The following TTC7A variants were observed in gnomAD, a reference collection of about 807,000 sequenced individuals.
TTC7A encodes the protein tetratricopeptide repeat protein 7A.
Under a neutral mutation model 103.7 loss-of-function variants are expected in TTC7A, and 110 were observed. That is an observed-to-expected ratio of 1.06 (90% CI 0.91 to 1.24). TTC7A has a LOEUF of 1.24. Ranked by LOEUF, TTC7A falls within the 50% of genes most tolerant of loss-of-function variation. TTC7A has a pLI of 0.00. For missense variants in TTC7A, 1,340 were observed against 1,116.3 expected (o/e 1.20, Z -2.86); for synonymous variants, 521 against 467.9 (o/e 1.11, Z -1.47).
At chr2:46,935,142 C>T (rs970816184) in intron 2 of TTC7A, among the ~76,000 whole-genome samples, 1 of 152,048 alleles carries the variant, frequency 6.6e-6, no homozygotes, top group East Asian at 1.9e-4. Context: ...TAGACCAACA[C>T]CCCTGAGAAG....
At chr2:46,944,374 GTTT>G (rs34191565) in intron 1 of TTC7A, among the ~76,000 whole-genome samples, 4 of 88,944 alleles carry the variant, frequency 4.5e-5, no homozygotes, top group Non-Finnish European at 8.0e-5. Context: ...GGTATTTTGG[GTTT>G]TTTTTTTTTT....
At chr2:46,987,807 C>CGTGT (rs1234466462) in intron 5 of TTC7A, among the ~76,000 whole-genome samples, 84 of 110,102 alleles carry the variant, frequency 7.6e-4, no homozygotes, top group African/African-American at 2.3e-3. Flanking sequence ...TCCCTTTCCG[C>CGTGT]GCGTGTGTGT....
intron 3 of TTC7A, 183 bp from the exon 4 acceptor site, chr2:46,974,790 T>C (rs1572779377): frequency 1.3e-6 from 1 of 771,426 alleles, no homozygotes; most frequent in Non-Finnish European, 2.1e-6. Context: ...CATCGCTTAC[T>C]CCCAGCCACT....
intron 18 of TTC7A, among the ~76,000 whole-genome samples, chr2:47,059,999 A>T (rs1371169704): frequency 1.3e-5 from 2 of 152,046 alleles, no homozygotes; most frequent in East Asian, 1.9e-4. Context: ...TCTACAAAAA[A>T]ATACAAAAAT....
chr2:47,008,516 C>A, intron 10 of TTC7A, among the ~76,000 whole-genome samples: 1 of 152,188 alleles, frequency 6.6e-6, no homozygotes, highest in East Asian at 1.9e-4. Context: ...AAGGTGGCCC[C>A]GGGAGTGGGC....
intron 16 of TTC7A, among the ~76,000 whole-genome samples, chr2:47,049,357 G>A (rs925885785): frequency 2.0e-5 from 3 of 151,912 alleles, no homozygotes; most frequent in Non-Finnish European, 4.4e-5. Context: ...CCTCCCCCCC[G>A]CCAGCAGTAT....
Position 47,023,425 on chromosome 2 carries a change from C to T in TTC7A, c.1528C>T (p.Gln510Ter), listed in dbSNP as rs1336620798. ...QATDATLKSK[Q>*]DELHRKALQT... ...CCCTGCAGCCACCCTGAAGTCCAAG[C>T]AAGATGAATTGCACCGGAAGGCACT... The change falls in exon 13 of 20, where the codon CAA becomes TAA. Residue 510 changes from glutamine (Q) to a stop codon, truncating the protein, a stop_gained. Transcript: ENST00000319190. LOFTEE classifies it high-confidence loss of function. The T allele has an allele frequency of 6.2e-7, 1 of 1,614,076 alleles. No individual in the cohort carries two copies. Among genetic ancestry groups the T allele is most frequent in the Non-Finnish European group, 8.5e-7 (1 of 1,179,994 alleles).
chr2:47,067,602 A>C (rs890112877), intron 19 of TTC7A, among the ~76,000 whole-genome samples: 1 of 152,222 alleles, frequency 6.6e-6, no homozygotes, highest in Non-Finnish European at 1.5e-5. Context: ...AGGCACCTGC[A>C]GGTTGGAGCA....
At chr2:47,059,200 T>G (rs1683571848) in intron 18 of TTC7A, among the ~76,000 whole-genome samples, 1 of 151,586 alleles carries the variant, frequency 6.6e-6, no homozygotes, top group African/African-American at 2.4e-5. Context: ...TTTTTGTATT[T>G]TTACTAGAGA....
intron 11 of TTC7A, among the ~76,000 whole-genome samples, chr2:47,016,819 G>A (rs2104517224): frequency 6.6e-6 from 1 of 152,290 alleles, no homozygotes; most frequent in South Asian, 2.1e-4. Context: ...GGCAGGCGCT[G>A]GGCCAGTCTG....
chr2:47,033,953 A>G (rs1439436836), intron 15 of TTC7A, among the ~76,000 whole-genome samples: 1 of 152,196 alleles, frequency 6.6e-6, no homozygotes, highest in Non-Finnish European at 1.5e-5. Flanking sequence ...ACTCCCATAC[A>G]GGCAGCCTCT....
Position 46,941,816 on chromosome 2 carries a change from C to T in TTC7A, c.184+91C>T, listed in dbSNP as rs1451234343. ...GCGCGCCCAGACAGTCCTCGGCCGA[C>T]AGCGGGCGCCTGCCAGCCCACCGTG... On this transcript the variant is annotated intron_variant, in intron 1 of 19. Transcript: ENST00000319190. This position sits in a 1 kb window ranked among gnomAD's most constrained non-coding sequence, Gnocchi z 4.2. 8.1e-6 allele frequency: 12 copies of T among 1,489,438 alleles called. No individual in the cohort carries two copies. In the African/African-American group the frequency reaches 1.4e-4, roughly 17 times the overall value. 92.3% of individuals were successfully genotyped at this position (1,489,438 alleles called of 1,614,324 possible). A position where few individuals can be genotyped will look rare whatever the true frequency, so the allele number is the denominator to read the frequency against.
Position 47,049,945 on chromosome 2 carries a change from C to G in TTC7A, c.1920-4C>G, listed in dbSNP as rs376383856. 5 of 1,613,600 alleles carry G rather than the reference C, an allele frequency of 3.1e-6. No homozygotes were observed. Among genetic ancestry groups the G allele is most frequent in the Non-Finnish European group, 4.2e-6 (5 of 1,179,710 alleles). ...CCGGACCCTGGCCCTCTTTTGCCTT[C>G]CAGAGGCCTAGAAAAGGATGGCAGC... On this transcript the variant is annotated splice_region_variant and splice_polypyrimidine_tract_variant and intron_variant, in intron 16 of 19. Transcript: ENST00000319190.
chr2:47,024,207 G>A (rs1033680523), intron 13 of TTC7A, 80 bp from the exon 14 acceptor site: 2 of 1,295,138 alleles, frequency 1.5e-6, no homozygotes, highest in Non-Finnish European at 1.1e-6. Context: ...CCAGCACAGG[G>A]CTGGCATGCT....
intron 19 of TTC7A, among the ~76,000 whole-genome samples, chr2:47,070,520 G>A (rs59897602): frequency 0.12 from 18,859 of 152,214 alleles, 2,143 homozygotes; most frequent in East Asian, 0.6. Context: ...AGGCTGGGGC[G>A]CTGTCCCTCT....
chr2:46,967,272 C>T (rs1272886816), intron 3 of TTC7A, among the ~76,000 whole-genome samples: 2 of 152,140 alleles, frequency 1.3e-5, no homozygotes, highest in South Asian at 2.1e-4. Flanking sequence ...CACTTTTAAG[C>T]GTACAGTTCG....
rs775728005 is a variant in TTC7A, at chr2:46,950,560, C to T, written c.348+34C>T. ...TCAGCCTTCAAGCCTGAGACCTCCT[C>T]TCCTCGTCTGTCTTGCCTCGCATCT... On this transcript the variant is annotated intron_variant, in intron 2 of 19. Coordinates refer to ENST00000319190, the MANE Select transcript of TTC7A (RefSeq NM_020458.4). 3.1e-6 allele frequency: 5 copies of T among 1,609,456 alleles called. No individual in the cohort carries two copies. The African/African-American group carries it at 6.7e-5, about 22-fold the overall frequency.
rs1186157785 is a variant in TTC7A at position 47,060,620 on chromosome 2, C to CCTAT, written c.2153-148_2153-145dup. On this transcript the variant is annotated intron_variant, in intron 18 of 19. Coordinates refer to ENST00000319190, the MANE Select transcript of TTC7A (RefSeq NM_020458.4). ...CCGTTACCTAGTGTTCCCACTACAT[C>CCTAT]CTATAGTCAGTGTGTCCCATGCTGT... 5.9e-6 allele frequency: 4 copies of CCTAT among 678,452 alleles called. No individual in the cohort carries two copies. In the East Asian group the frequency reaches 1.1e-4, roughly 19 times the overall value. The allele number at this position is 678,452 out of a possible 1,614,324, so 42.0% of individuals were successfully genotyped here.
In TTC7A at chr2:47,051,670, G is replaced by A. The variant is rs1682866039; in HGVS notation, c.2018-76G>A. 6 of 1,514,626 alleles carry A rather than the reference G, an allele frequency of 4.0e-6. No homozygotes were observed. In the Admixed American group the frequency reaches 1.1e-4, roughly 29 times the overall value. The allele number at this position is 1,514,626 out of a possible 1,614,324, so 93.8% of individuals were successfully genotyped here. A position where few individuals can be genotyped will look rare whatever the true frequency, so the allele number is the denominator to read the frequency against. ...GGGTGCCCTGTCTCCCCATGGTGCT[G>A]GGCAATGACTGCTCCTGGGGCCTGC... On this transcript the variant is annotated intron_variant, in intron 17 of 19. Coordinates refer to ENST00000319190, the MANE Select transcript of TTC7A (RefSeq NM_020458.4).
Sources: allele counts gnomAD v4.1 joint callset (sites outside exome capture counted in the v4.1 genomes callset), GRCh38; gene constraint gnomAD v4.1.1; non-coding constraint Gnocchi (gnomAD v3.1); transcripts MANE v1.5; gene names NCBI Gene and HGNC (gene_info 2026-07-23, HGNC 2026-07-21).